The following TMEM132B variants were observed in gnomAD, a reference collection of about 807,000 sequenced individuals.
TMEM132B encodes the protein transmembrane protein 132B.
A neutral mutation model predicts 90.8 loss-of-function variants in TMEM132B; 18 were observed. The observed-to-expected ratio is 0.20, with a 90% confidence interval of 0.14 to 0.29. The LOEUF (loss-of-function observed/expected upper bound fraction) is 0.29. Ranked by LOEUF, TMEM132B falls within the 10% of genes least tolerant of loss-of-function variation. TMEM132B has a pLI of 1.00. For missense variants in TMEM132B, 1,096 were observed against 1,326.8 expected, an observed-to-expected ratio of 0.83 and a Z score of 2.70; for synonymous variants, 504 against 523.3, an observed-to-expected ratio of 0.96 and a Z score of 0.50.
intron 2 of TMEM132B, among the ~76,000 whole-genome samples, chr12:125,388,254 C>T (rs771164853): frequency 6.6e-5 from 10 of 151,990 alleles, no homozygotes; most frequent in Non-Finnish European, 1.0e-4. Flanking sequence ...ATAGTGAAAC[C>T]CTATCTCTAC....
At chr12:125,413,205 G>A (rs955649250) in intron 2 of TMEM132B, among the ~76,000 whole-genome samples, 3 of 152,108 alleles carry the variant, frequency 2.0e-5, no homozygotes, top group Non-Finnish European at 4.4e-5. Context: ...ACTCTACCAT[G>A]AGAGGCTGCC....
intron 5 of TMEM132B, among the ~76,000 whole-genome samples, chr12:125,615,172 T>C (rs149308646): frequency 4.4e-4 from 67 of 152,280 alleles, no homozygotes; most frequent in African/African-American, 1.5e-3. Flanking sequence ...TCTATTCTAC[T>C]TGAAGTCTGA....
At chr12:125,234,301 T>C (rs1419357108) in intron 1 of TMEM132B, among the ~76,000 whole-genome samples, 4 of 152,208 alleles carry the variant, frequency 2.6e-5, no homozygotes, top group African/African-American at 9.7e-5. Context: ...AAATGTCCCA[T>C]CCTGTGACAC....
At chr12:125,643,930 A>G (rs11610291) in intron 5 of TMEM132B, 146 bp from the exon 6 acceptor site, 82,564 of 682,174 alleles carry the variant, frequency 0.12, 5,868 homozygotes, top group South Asian at 0.19. Flanking sequence ...GTGCCTACAA[A>G]TTACCTTTTG....
chr12:125,336,064 GT>G (rs1487896156), intron 1 of TMEM132B, among the ~76,000 whole-genome samples: 2 of 152,214 alleles, frequency 1.3e-5, no homozygotes, highest in African/African-American at 4.8e-5. Context: ...AATGCATGGA[GT>G]TGTGTAAGCA....
chr12:125,624,342 G>T (rs1180022740), intron 5 of TMEM132B, among the ~76,000 whole-genome samples: 1 of 152,108 alleles, frequency 6.6e-6, no homozygotes, highest in East Asian at 1.9e-4. Flanking sequence ...TATGATCCTG[G>T]ACAGCCCACT....
intron 1 of TMEM132B, among the ~76,000 whole-genome samples, chr12:125,330,742 C>T (rs530140302): frequency 6.6e-5 from 10 of 152,292 alleles, no homozygotes; most frequent in Middle Eastern, 3.4e-3. Flanking sequence ...AATTTCTTGG[C>T]TGGGCACAGT....
At chr12:125,550,925 C>T (rs1007220692) in intron 4 of TMEM132B, among the ~76,000 whole-genome samples, 1 of 152,134 alleles carries the variant, frequency 6.6e-6, no homozygotes, top group African/African-American at 2.4e-5. Context: ...TGATTCTCCC[C>T]CCTCAGCCTC....
intron 3 of TMEM132B, among the ~76,000 whole-genome samples, chr12:125,422,985 G>T (rs1362921468): frequency 6.6e-6 from 1 of 152,176 alleles, no homozygotes; most frequent in African/African-American, 2.4e-5. Context: ...GAATAAGCAG[G>T]TTGAGGCGGC....
At chr12:125,208,276 A>C (rs923530035) in intron 1 of TMEM132B, among the ~76,000 whole-genome samples, 1 of 152,180 alleles carries the variant, frequency 6.6e-6, no homozygotes, top group African/African-American at 2.4e-5. Flanking sequence ...AAAGAGTTCA[A>C]CTTTAAAGAG....
intron 1 of TMEM132B, among the ~76,000 whole-genome samples, chr12:125,193,054 G>GTCCT (rs1872833800): frequency 6.6e-6 from 1 of 152,154 alleles, no homozygotes; most frequent in African/African-American, 2.4e-5. Context: ...TGTTAGCACA[G>GTCCT]GGCACGAGTC....
At chr12:125,389,355 C>T (rs1318788433) in intron 2 of TMEM132B, among the ~76,000 whole-genome samples, 1 of 134,228 alleles carries the variant, frequency 7.5e-6, no homozygotes, top group Non-Finnish European at 1.6e-5. Flanking sequence ...CCCCTCAACT[C>T]CCCTCCCCTT....
chr12:125,371,867 A>C (rs1878300958), intron 2 of TMEM132B, among the ~76,000 whole-genome samples: 1 of 152,218 alleles, frequency 6.6e-6, no homozygotes, highest in African/African-American at 2.4e-5. Context: ...ATTTTATTTT[A>C]ATACCATAGA....
chr12:125,562,429 T>A (rs897698183), intron 4 of TMEM132B, among the ~76,000 whole-genome samples: 2 of 152,256 alleles, frequency 1.3e-5, no homozygotes. Flanking sequence ...AACTTTTCCT[T>A]GGCATTCACA....
intron 3 of TMEM132B, among the ~76,000 whole-genome samples, chr12:125,511,870 A>T (rs1395897305): frequency 7.1e-6 from 1 of 141,226 alleles, no homozygotes; most frequent in Non-Finnish European, 1.6e-5. Flanking sequence ...AAAAAAAAAG[A>T]AAAGAAAAAG....
chr12:125,227,753 C>T (rs1021488205), intron 1 of TMEM132B, among the ~76,000 whole-genome samples: 7 of 152,164 alleles, frequency 4.6e-5, no homozygotes, highest in Admixed American at 1.3e-4. Context: ...ACGATTGACA[C>T]CTGTGAGTTT....
intron 5 of TMEM132B, among the ~76,000 whole-genome samples, chr12:125,619,224 A>G (rs1184094258): frequency 6.6e-6 from 1 of 152,200 alleles, no homozygotes; most frequent in East Asian, 1.9e-4. Flanking sequence ...AATCCAGGCA[A>G]AGAGTCAGCA....
chr12:125,620,846 C>T (rs938863767), intron 5 of TMEM132B, among the ~76,000 whole-genome samples: 1 of 152,206 alleles, frequency 6.6e-6, no homozygotes, highest in Non-Finnish European at 1.5e-5. Context: ...ACAAGAATAG[C>T]AGCATGAGAG....
intron 4 of TMEM132B, among the ~76,000 whole-genome samples, chr12:125,560,474 A>G (rs924825175): frequency 2.0e-5 from 3 of 152,216 alleles, no homozygotes; most frequent in Non-Finnish European, 4.4e-5. Context: ...AGAGAAATGC[A>G]AATCAAAACT....
Sources: gnomAD v4.1 joint callset for allele counts (sites outside exome capture counted in the v4.1 genomes callset) on GRCh38, gnomAD v4.1.1 for gene constraint, MANE v1.5 for transcripts, NCBI Gene and HGNC (gene_info 2026-07-23, HGNC 2026-07-21) for gene names.